ACSL6: variants seen among roughly 807,000 people sequenced by gnomAD.
ACSL6 encodes the protein acyl-CoA synthetase long chain family member 6, also known as long-chain-fatty-acid--CoA ligase 6.
A neutral mutation model predicts 98.2 loss-of-function variants in ACSL6; 47 were observed. That is an observed-to-expected ratio of 0.48 (90% confidence interval 0.38 to 0.61). ACSL6 has a LOEUF of 0.61. ACSL6 is among the 20% of genes least tolerant of loss of function. The pLI is 0.00. For missense variants in ACSL6, 761 were observed against 913.4 expected, an observed-to-expected ratio of 0.83 and a Z score of 2.15; for synonymous variants, 362 against 336.9, an observed-to-expected ratio of 1.07 and a Z score of -0.82.
chr5:131,954,976 A>C (rs1752323120), intron 20 of ACSL6, among the ~76,000 whole-genome samples: 1 of 152,152 alleles, frequency 6.6e-6, no homozygotes, highest in African/African-American at 2.4e-5. Context: ...GTGAGGGATG[A>C]AGCTAAAGTG....
rs1752231979 is a variant in ACSL6, at chr5:131,953,047, A to T, written c.*1187T>A. The T allele has an allele frequency of 4.9e-6, 1 of 204,802 alleles. No homozygotes were observed. The highest frequency in any genetic ancestry group is 1.0e-5 in the Non-Finnish European group (1 of 100,330). 12.7% of individuals were successfully genotyped at this position (204,802 alleles called of 1,614,324 possible). The stretch of plus-strand genomic sequence containing the variant: ...GAAGACTAGAAGACCCCAGCAAGGA[A>T]TGTAGGTACATTAATTGCTGCCTAC... On this transcript the variant is annotated 3_prime_UTR_variant, in exon 21 of 21. Transcript: ENST00000651883.
At chr5:132,005,243 T>A (rs1041667424) in intron 1 of ACSL6, among the ~76,000 whole-genome samples, 1 of 152,242 alleles carries the variant, frequency 6.6e-6, no homozygotes, top group African/African-American at 2.4e-5. Flanking sequence ...ACAGTCACGA[T>A]GAACACTGAA....
chr5:131,982,418 C>T (rs1753955176), intron 9 of ACSL6: 1 of 152,162 alleles, frequency 6.6e-6, no homozygotes, highest in Admixed American at 6.5e-5. Context: ...GCTGGGATTA[C>T]AGGCGTGAGC....
In ACSL6 at chr5:132,011,380, G is replaced by C. The variant is rs76936241; in HGVS notation, c.49+125C>G. On this transcript the variant is annotated intron_variant, in intron 1 of 20. Transcript: ENST00000651883. This position sits in a 1 kb window ranked among gnomAD's most constrained non-coding sequence, Gnocchi z 5.4. Reference sequence around the variant, plus strand: ...CTTAGGCGGCCCTGGGGACCTTGACGGGACAGCTCAGCAGCAGGGGATGGG... The same window carrying C: ...CTTAGGCGGCCCTGGGGACCTTGACCGGACAGCTCAGCAGCAGGGGATGGG... The C allele has an allele frequency of 1.0e-5, 11 of 1,085,804 alleles. No homozygotes were observed. Among genetic ancestry groups the C allele is most frequent in the South Asian group, 9.2e-5 (7 of 75,738 alleles). 67.3% of individuals were successfully genotyped at this position (1,085,804 alleles called of 1,614,324 possible). A position where few individuals can be genotyped will look rare whatever the true frequency, so the allele number is the denominator to read the frequency against.
intron 11 of ACSL6, among the ~76,000 whole-genome samples, chr5:131,974,370 C>G (rs1753493633): frequency 6.6e-6 from 1 of 152,222 alleles, no homozygotes; most frequent in Non-Finnish European, 1.5e-5. Flanking sequence ...CAACTTTACT[C>G]TTTTGTTTTC....
In ACSL6 at chr5:131,966,421, G is replaced by A. The variant is rs1753016494; in HGVS notation, c.1708C>T (p.Leu570=). The A allele has an allele frequency of 6.2e-7, 1 of 1,614,092 alleles. No homozygotes were observed. Among genetic ancestry groups the A allele is most frequent in the East Asian group, 2.2e-5 (1 of 44,876 alleles). Residue 570 remains leucine, a synonymous_variant, in exon 17 of 21, where the codon CTG becomes TTG. Transcript: ENST00000651883. ...WLHTGDIGKW[L]PAGTLKIIDR... ...GTGGTTCCAAACATACACACCGGCA[G>A]CCATTTTCCGATGTCTCCAGTGTGA...
intron 1 of ACSL6, 43 bp from the exon 2 acceptor site, chr5:131,994,294 C>T: frequency 1.3e-6 from 2 of 1,538,614 alleles, no homozygotes; most frequent in African/African-American, 1.4e-5. Flanking sequence ...ACCTGACGGG[C>T]AGGTTAGGGA....
At chr5:131,975,602 C>T in intron 10 of ACSL6, 1 of 912,496 alleles carries the variant, frequency 1.1e-6, no homozygotes, top group Non-Finnish European at 1.3e-6. Flanking sequence ...CCTCACAAGC[C>T]ATCCCTGGAA....
At position 131,950,140 on chromosome 5, in the gene ACSL6, A is replaced by G. The variant is rs1459538909; in HGVS notation, c.*4094T>C. Reference sequence around the variant, plus strand: ...TAATCCCCTCGATTTTTAAAAATTGAAAGTGGAATAAGCAATTCTTCAAAA... The same window carrying G: ...TAATCCCCTCGATTTTTAAAAATTGGAAGTGGAATAAGCAATTCTTCAAAA... On this transcript the variant is annotated 3_prime_UTR_variant, in exon 21 of 21. Coordinates refer to ENST00000651883, the MANE Select transcript of ACSL6 (RefSeq NM_001009185.3). The G allele has an allele frequency of 6.8e-5, 13 of 189,962 alleles. No homozygotes were observed. In the East Asian group the frequency reaches 1.0e-3, roughly 15 times the overall value. The allele number at this position is 189,962 out of a possible 1,614,324, so 11.8% of individuals were successfully genotyped here.
rs1753226745 is a variant in ACSL6, at chr5:131,970,162, T to A, written c.1473A>T (p.Gly491=). The A allele has an allele frequency of 6.2e-7, 1 of 1,614,090 alleles. No individual in the cohort carries two copies. Among genetic ancestry groups the A allele is most frequent in the Non-Finnish European group, 8.5e-7 (1 of 1,180,028 alleles). Residue 491 remains glycine, a synonymous_variant, in exon 15 of 21, where the codon GGA becomes GGT. Transcript: ENST00000651883. ...EGYGQTECTA[G]CTFTTPGDWT... is the part of the protein sequence containing the mutation. ...AGTCGCCAGGAGTGGTGAAGGTACATCCAGCTGTGCACTCAGTTTGGCCAT... is the reference window on the plus strand; with the variant it reads ...AGTCGCCAGGAGTGGTGAAGGTACAACCAGCTGTGCACTCAGTTTGGCCAT...
chr5:131,976,170 G>T, intron 10 of ACSL6: 8 of 985,374 alleles, frequency 8.1e-6, no homozygotes, highest in Non-Finnish European at 9.6e-6. Context: ...AAGCTTTTTT[G>T]ATTTTAGATT....
At chr5:132,011,931 C>T, upstream of ACSL6, 1 of 1,555,300 alleles carries the variant, frequency 6.4e-7, no homozygotes, top group Non-Finnish European at 8.7e-7. The surrounding 1 kb of genome is among the most constrained non-coding windows in gnomAD (Gnocchi z 5.4). Flanking sequence ...TCTGCGGAAA[C>T]CGGCTGGAAG....
At chr5:131,988,760 TG>T (rs763201803) in intron 6 of ACSL6, 44 bp downstream of exon 6, 102 of 1,597,860 alleles carry the variant, frequency 6.4e-5, no homozygotes, top group Non-Finnish European at 8.6e-5. Context: ...GGCTGGAGGC[TG>T]GGGACCAGTT....
intron 20 of ACSL6, among the ~76,000 whole-genome samples, chr5:131,959,135 A>C (rs971957655): frequency 6.6e-6 from 1 of 152,182 alleles, no homozygotes; most frequent in Non-Finnish European, 1.5e-5. Flanking sequence ...CTGGCCCGAG[A>C]AGACCAATCT....
chr5:131,966,380 A>C lies in ACSL6; in HGVS notation c.1713+36T>G, dbSNP rs201222526. The C allele has an allele frequency of 2.2e-5, 35 of 1,605,916 alleles. No homozygotes were observed. In the East Asian group the frequency reaches 3.3e-4, roughly 15 times the overall value. On this transcript the variant is annotated intron_variant, in intron 17 of 20. Coordinates refer to ENST00000651883, the MANE Select transcript of ACSL6 (RefSeq NM_001009185.3). ...CCGGACCACACACCCTCCCACTGCC[A>C]AATGTTTGGAGCTCCGTGGTTCCAA...
At chr5:131,955,476 G>C (rs1752353873) in intron 20 of ACSL6, among the ~76,000 whole-genome samples, 1 of 152,132 alleles carries the variant, frequency 6.6e-6, no homozygotes, top group African/African-American at 2.4e-5. Flanking sequence ...AGGTCCCAAG[G>C]GAGACGTTTT....
At position 131,952,370 on chromosome 5, in the gene ACSL6, AC is replaced by A. The variant is rs982073634; in HGVS notation, c.*1863del. On this transcript the variant is annotated 3_prime_UTR_variant, in exon 21 of 21. Transcript: ENST00000651883. ...AATACATCAAATGAAACAGTGATTC[AC>A]TTTTGACAAGACTGAAATATAAGTA... 5 of 204,900 alleles carry A rather than the reference AC, an allele frequency of 2.4e-5. No individual in the cohort carries two copies. The highest frequency in any genetic ancestry group is 9.1e-5 in the African/African-American group (4 of 43,906). 12.7% of individuals were successfully genotyped at this position (204,900 alleles called of 1,614,324 possible).
Position 131,952,630 on chromosome 5 carries a change from T to A in ACSL6, c.*1604A>T, listed in dbSNP as rs1236084261. 5 of 212,908 alleles carry A rather than the reference T, an allele frequency of 2.3e-5. No homozygotes were observed. The Admixed American group carries it at 2.9e-4, about 13-fold the overall frequency. 13.2% of individuals were successfully genotyped at this position (212,908 alleles called of 1,614,324 possible). On this transcript the variant is annotated 3_prime_UTR_variant, in exon 21 of 21. Coordinates refer to ENST00000651883, the MANE Select transcript of ACSL6 (RefSeq NM_001009185.3). Reference sequence around the variant, plus strand: ...ACACGTTCCTGGGGTCCATGCCTTTTTCAGAGGCACAATCTATAGCTTGGA... The same window carrying A: ...ACACGTTCCTGGGGTCCATGCCTTTATCAGAGGCACAATCTATAGCTTGGA...
chr5:131,957,109 T>C (rs191266850), intron 20 of ACSL6, among the ~76,000 whole-genome samples: 1 of 152,310 alleles, frequency 6.6e-6, no homozygotes, highest in Admixed American at 6.5e-5. Context: ...GTGGTCTTAA[T>C]GAAATCCTTT....
Sources: gnomAD v4.1 joint callset for allele counts (sites outside exome capture counted in the v4.1 genomes callset) on GRCh38, gnomAD v4.1.1 for gene constraint, Gnocchi (gnomAD v3.1) non-coding constraint, MANE v1.5 for transcripts, NCBI Gene and HGNC (gene_info 2026-07-23, HGNC 2026-07-21) for gene names.